GLP2R: variants seen among roughly 807,000 people sequenced by gnomAD.
GLP2R encodes the protein glucagon like peptide 2 receptor, also known as glucagon-like peptide 2 receptor.
A neutral mutation model predicts 68.2 loss-of-function variants in GLP2R; 59 were observed. The observed-to-expected ratio is 0.87, with a 90% CI of 0.70 to 1.07. The LOEUF is 1.07. Ranked by LOEUF, GLP2R falls within the 50% of genes least tolerant of loss-of-function variation. The probability of loss-of-function intolerance (pLI) is 0.00; values close to 1 mark genes in which losing one functional copy is unlikely to be tolerated. For missense variants in GLP2R, 548 were observed against 677.4 expected, an observed-to-expected ratio of 0.81 and a Z score of 2.12; for synonymous variants, 270 against 265.4, an observed-to-expected ratio of 1.02 and a Z score of -0.17.
chr17:9,879,884 C>T (rs763352502), intron 10 of GLP2R, among the ~76,000 whole-genome samples: 9 of 152,134 alleles, frequency 5.9e-5, no homozygotes, highest in East Asian at 1.9e-4. Flanking sequence ...ACATCCAGCC[C>T]GAGGTTTACT....
chr17:9,887,917 C>T lies in GLP2R; in HGVS notation c.1285-15C>T, dbSNP rs777206436. 6.2e-7 allele frequency: 1 copy of T among 1,604,268 alleles called. No individual in the cohort carries two copies. The highest frequency in any genetic ancestry group is 1.1e-5 in the South Asian group (1 of 90,864). On this transcript the variant is annotated splice_polypyrimidine_tract_variant and intron_variant, in intron 11 of 12. Coordinates refer to ENST00000262441, the MANE Select transcript of GLP2R (RefSeq NM_004246.3). ...CCGGAGTCAGATTTTATGCCATGTC[C>T]TCCTTTTGTTTCAGGGGTTCCTGGT... is the stretch of plus-strand genomic sequence containing the variant.
Position 9,891,495 on chromosome 17 carries a change from G to C in GLP2R, c.*1790G>C, listed in dbSNP as rs550270219. On this transcript the variant is annotated 3_prime_UTR_variant, in exon 13 of 13. Transcript: ENST00000262441. ...TCTTGCAAGTGCAGGCTCTGGTCCT[G>C]ACTTTCAAATGTTGTCTATGAGGGA... 2 of 152,212 alleles carry C rather than the reference G, an allele frequency of 1.3e-5. No homozygotes were observed. The highest frequency in any genetic ancestry group is 2.9e-5 in the Non-Finnish European group (2 of 68,044). 9.4% of individuals were successfully genotyped at this position (152,212 alleles called of 1,614,324 possible). A position where few individuals can be genotyped will look rare whatever the true frequency, so the allele number is the denominator to read the frequency against.
chr17:9,870,073 C>G (rs1019352141), intron 9 of GLP2R, among the ~76,000 whole-genome samples: 4 of 152,102 alleles, frequency 2.6e-5, no homozygotes, highest in Admixed American at 2.0e-4. Context: ...AAGTTAGACA[C>G]CAATAGGGAT....
intron 7 of GLP2R, among the ~76,000 whole-genome samples, chr17:9,860,466 C>T (rs891571827): frequency 2.0e-5 from 3 of 152,134 alleles, no homozygotes; most frequent in African/African-American, 7.2e-5. Context: ...GTGGGAAGTT[C>T]ACCATGGTTG....
At chr17:9,831,288 C>T (rs2066677128) in intron 1 of GLP2R, among the ~76,000 whole-genome samples, 1 of 152,172 alleles carries the variant, frequency 6.6e-6, no homozygotes, top group South Asian at 2.1e-4. Flanking sequence ...CCTCATCCTC[C>T]GTCTCACAAG....
At chr17:9,849,968 G>A (rs1260551939) in intron 4 of GLP2R, among the ~76,000 whole-genome samples, 2 of 152,130 alleles carry the variant, frequency 1.3e-5, no homozygotes, top group Admixed American at 6.6e-5. Context: ...AGATGTTTAT[G>A]TTGGCTTATA....
intron 4 of GLP2R, among the ~76,000 whole-genome samples, chr17:9,847,735 C>A (rs1050168805): frequency 3.3e-5 from 5 of 152,222 alleles, no homozygotes; most frequent in South Asian, 4.2e-4. Flanking sequence ...GAAGGCTGAT[C>A]GTATTCAGGT....
At chr17:9,880,837 C>A (rs981875538) in intron 11 of GLP2R, among the ~76,000 whole-genome samples, 1 of 152,190 alleles carries the variant, frequency 6.6e-6, no homozygotes, top group Non-Finnish European at 1.5e-5. Flanking sequence ...GGGTTCTCTG[C>A]AGAGCATTGT....
intron 7 of GLP2R, 119 bp downstream of exon 7, chr17:9,860,220 C>A: frequency 1.1e-6 from 1 of 924,242 alleles, no homozygotes; most frequent in Non-Finnish European, 1.6e-6. Context: ...CATATAAGTC[C>A]TCAAAGACAG....
chr17:9,859,883 G>C (rs567281503), intron 6 of GLP2R, 59 bp from the exon 7 acceptor site: 1 of 833,266 alleles, frequency 1.2e-6, no homozygotes, highest in Non-Finnish European at 1.7e-6. Flanking sequence ...CTTCTCCCCC[G>C]ACTCGGGATC....
intron 1 of GLP2R, among the ~76,000 whole-genome samples, chr17:9,827,175 C>T (rs2066640157): frequency 6.9e-6 from 1 of 145,284 alleles, no homozygotes; most frequent in Admixed American, 6.8e-5. Flanking sequence ...GGCCTACATA[C>T]AGTTTTTTTT....
intron 10 of GLP2R, among the ~76,000 whole-genome samples, chr17:9,871,675 A>G (rs1055725206): frequency 1.3e-5 from 2 of 151,620 alleles, no homozygotes; most frequent in South Asian, 2.1e-4. Flanking sequence ...ATGAAGAGAG[A>G]TAAAGGGTTT....
intron 4 of GLP2R, among the ~76,000 whole-genome samples, chr17:9,851,899 TAAC>T (rs1388369389): frequency 6.6e-6 from 1 of 150,788 alleles, no homozygotes; most frequent in African/African-American, 2.4e-5. Context: ...AAAAAAAAAA[TAAC>T]AACATACTTC....
intron 4 of GLP2R, among the ~76,000 whole-genome samples, chr17:9,849,946 G>A (rs2066876987): frequency 6.6e-6 from 1 of 152,126 alleles, no homozygotes; most frequent in South Asian, 2.1e-4. Flanking sequence ...AACTGCCACA[G>A]TGAATAATCT....
intron 4 of GLP2R, among the ~76,000 whole-genome samples, chr17:9,852,412 T>A (rs2066899803): frequency 1.3e-5 from 2 of 152,232 alleles, no homozygotes. Context: ...CATTCTTTTT[T>A]ATGGCTGCAT....
intron 5 of GLP2R, 148 bp downstream of exon 5, chr17:9,854,749 A>G: frequency 1.6e-6 from 1 of 633,644 alleles, no homozygotes; most frequent in East Asian, 2.7e-5. Flanking sequence ...AACCAACCCT[A>G]TGTTTGGTTC....
rs116292364 is a variant in GLP2R, at chr17:9,883,883, C to T, written c.1284+3367C>T. On this transcript the variant is annotated intron_variant, in intron 11 of 12. Transcript: ENST00000262441. ...GGATGTCCTTCATGCTGGAAGAAAA[C>T]GACAACAGACAGCAACTCAAATCCA... Among the ~76,000 whole-genome samples the T allele has an allele frequency of 8.3e-3, 1,256 of 152,164 alleles. 16 individuals carry two copies. Among genetic ancestry groups the T allele is most frequent in the African/African-American group, 0.025 (1,049 of 41,510 alleles).
chr17:9,838,199 G>A (rs570814011), intron 3 of GLP2R, among the ~76,000 whole-genome samples: 3 of 152,170 alleles, frequency 2.0e-5, no homozygotes, highest in Non-Finnish European at 4.4e-5. Context: ...GTGGAGTCAG[G>A]AGCCCCGAGG....
intron 3 of GLP2R, 29 bp from the exon 4 acceptor site, chr17:9,842,466 C>A: frequency 6.2e-7 from 1 of 1,613,914 alleles, no homozygotes; most frequent in Non-Finnish European, 8.5e-7. Flanking sequence ...GTGTTCTGAC[C>A]TTTCCTCCAG....
Sources: allele counts gnomAD v4.1 joint callset (sites outside exome capture counted in the v4.1 genomes callset), GRCh38; gene constraint gnomAD v4.1.1; transcripts MANE v1.5; gene names NCBI Gene and HGNC (gene_info 2026-07-23, HGNC 2026-07-21).